Variants in PHKB observed in about 807,000 individuals in gnomAD.
PHKB encodes phosphorylase b kinase regulatory subunit beta.
Under a neutral mutation model 152.1 loss-of-function variants are expected in PHKB, and 122 were observed. That is an observed-to-expected ratio of 0.80 (90% CI 0.69 to 0.93). The LOEUF (loss-of-function observed/expected upper bound fraction) is 0.93, where lower values mean the gene tolerates loss of function less well. Among genes scored for constraint, PHKB ranks in the 40% least tolerant of loss-of-function variants. The probability of loss-of-function intolerance (pLI) is 0.00; values close to 1 mark genes in which losing one functional copy is unlikely to be tolerated. For missense variants in PHKB, 1,304 were observed against 1,328.4 expected (o/e 0.98, Z 0.29); for synonymous variants, 436 against 464.9 (o/e 0.94, Z 0.80).
intron 1 of PHKB, among the ~76,000 whole-genome samples, chr16:47,472,744 T>G (rs1202362452): frequency 6.6e-6 from 1 of 151,970 alleles, no homozygotes; most frequent in East Asian, 2.0e-4. Context: ...ATCGTGCCAC[T>G]GCACTCCAGC....
chr16:47,503,618 C>G (rs1567282322), intron 4 of PHKB, among the ~76,000 whole-genome samples: 1 of 152,070 alleles, frequency 6.6e-6, no homozygotes, highest in Non-Finnish European at 1.5e-5. Context: ...ATCACGAGGT[C>G]AAGAGATCGA....
Position 47,645,776 on chromosome 16 carries a change from G to A in PHKB, c.1609-2757G>A, listed in dbSNP as rs554591202. Among the ~76,000 whole-genome samples the A allele has an allele frequency of 2.6e-4, 39 of 147,748 alleles. No homozygotes were observed. The South Asian group carries it at 8.2e-3, about 31-fold the overall frequency. On this transcript the variant is annotated intron_variant, in intron 16 of 30. Coordinates refer to ENST00000323584, the MANE Select transcript of PHKB (RefSeq NM_000293.3). ...TTTATGCAGCCAAAAAACACATGAA[G>A]AAATGCTCATCATCACTGGCCATCA...
intron 14 of PHKB, among the ~76,000 whole-genome samples, chr16:47,620,152 A>G (rs1972591867): frequency 6.6e-6 from 1 of 152,186 alleles, no homozygotes; most frequent in Admixed American, 6.5e-5. Context: ...GTTTTTTCTC[A>G]AAATAGATGT....
At chr16:47,508,022 A>G (rs1008305717) in intron 4 of PHKB, among the ~76,000 whole-genome samples, 1 of 152,190 alleles carries the variant, frequency 6.6e-6, no homozygotes, top group Admixed American at 6.5e-5. Context: ...CTCTAGCCTC[A>G]TGTTGTCTTT....
At chr16:47,610,595 T>G (rs1972409181) in intron 13 of PHKB, among the ~76,000 whole-genome samples, 1 of 152,244 alleles carries the variant, frequency 6.6e-6, no homozygotes, top group Non-Finnish European at 1.5e-5. Flanking sequence ...TATTGATGCC[T>G]AATTCCATTC....
chr16:47,526,960 A>C (rs1483757707), intron 6 of PHKB, among the ~76,000 whole-genome samples: 1 of 152,190 alleles, frequency 6.6e-6, no homozygotes, highest in Non-Finnish European at 1.5e-5. Context: ...ACAAAACAGG[A>C]GAAGGCAAGT....
In PHKB at chr16:47,593,518, T is replaced by C. The variant is rs1457554672; in HGVS notation, c.1087T>C (p.Cys363Arg). 1 of 1,473,870 alleles carries C rather than the reference T, an allele frequency of 6.8e-7. No individual in the cohort carries two copies. Among genetic ancestry groups the C allele is most frequent in the Non-Finnish European group, 9.5e-7 (1 of 1,052,610 alleles). The allele number at this position is 1,473,870 out of a possible 1,614,324, so 91.3% of individuals were successfully genotyped here. A position where few individuals can be genotyped will look rare whatever the true frequency, so the allele number is the denominator to read the frequency against. ...AEIKLFDGIE[C>R]EFPIFFLYMM... Reference sequence around the variant, plus strand: ...GTTTTAGCTATTTGATGGCATTGAATGTGAATTTCCCATATTTTTCCTTTA... The same window carrying C: ...GTTTTAGCTATTTGATGGCATTGAACGTGAATTTCCCATATTTTTCCTTTA... Residue 363 changes from cysteine to arginine, a missense_variant, in exon 11 of 31, where the codon TGT becomes CGT. Cys to Arg is a radical substitution (Grantham distance 180). Coordinates refer to ENST00000323584, the MANE Select transcript of PHKB (RefSeq NM_000293.3).
chr16:47,679,007 G>A (rs1973793136), intron 26 of PHKB, among the ~76,000 whole-genome samples: 2 of 152,124 alleles, frequency 1.3e-5, no homozygotes, highest in African/African-American at 2.4e-5. Context: ...AGTTTTCCCA[G>A]CACCATTTAT....
At chr16:47,466,420 A>C (rs1342169027) in intron 1 of PHKB, among the ~76,000 whole-genome samples, 2 of 152,232 alleles carry the variant, frequency 1.3e-5, no homozygotes, top group Non-Finnish European at 2.9e-5. Flanking sequence ...TTGGCAATAC[A>C]GTTCAGTTAC....
At chr16:47,660,954 C>A in intron 22 of PHKB, 135 bp downstream of exon 22, 1 of 842,300 alleles carries the variant, frequency 1.2e-6, no homozygotes, top group Non-Finnish European at 2.0e-6. Context: ...TGTCTACTCC[C>A]AGGGCAATCA....
chr16:47,563,743 A>G (rs1567307690), intron 7 of PHKB, among the ~76,000 whole-genome samples: 1 of 152,152 alleles, frequency 6.6e-6, no homozygotes, highest in Admixed American at 6.5e-5. Flanking sequence ...CTGGGCGTTA[A>G]GGGTACCCAT....
intron 6 of PHKB, among the ~76,000 whole-genome samples, chr16:47,523,477 T>G (rs28844885): frequency 0.12 from 17,859 of 152,178 alleles, 2,300 homozygotes; most frequent in African/African-American, 0.32. Context: ...CTTTGCAGAG[T>G]TTCTCACTGT....
chr16:47,665,684 TATCAATAGTGTC>T, intron 25 of PHKB: 1 of 551,684 alleles, frequency 1.8e-6, no homozygotes, highest in Non-Finnish European at 3.3e-6. Flanking sequence ...TTGCTTTTTA[TATCAATAGTGTC>T]ATCAATAATA....
At chr16:47,608,075 C>T (rs1056303324) in intron 13 of PHKB, among the ~76,000 whole-genome samples, 4 of 150,938 alleles carry the variant, frequency 2.7e-5, no homozygotes, top group African/African-American at 9.7e-5. Flanking sequence ...TTTATATCTT[C>T]TAGGTGTAAA....
At chr16:47,529,150 A>G (rs1247180929) in intron 6 of PHKB, 3 of 152,066 alleles carry the variant, frequency 2.0e-5, no homozygotes, top group Non-Finnish European at 4.4e-5. Flanking sequence ...TCCTCTAGGT[A>G]TCATGTCTAC....
chr16:47,519,524 T>C (rs1396901092), intron 6 of PHKB, among the ~76,000 whole-genome samples: 1 of 152,196 alleles, frequency 6.6e-6, no homozygotes, highest in Non-Finnish European at 1.5e-5. Context: ...GCAGGAAGCC[T>C]CAGTTTCTCC....
intron 28 of PHKB, among the ~76,000 whole-genome samples, chr16:47,695,324 G>A (rs1296797827): frequency 6.6e-6 from 1 of 152,142 alleles, no homozygotes; most frequent in Non-Finnish European, 1.5e-5. Context: ...CTTTCCTTCT[G>A]TAACCCCGTT....
chr16:47,665,601 A>T, intron 25 of PHKB: 1 of 359,538 alleles, frequency 2.8e-6, no homozygotes, highest in Non-Finnish European at 5.3e-6. Flanking sequence ...GTTAATGCAA[A>T]ATCAGAATAC....
intron 14 of PHKB, among the ~76,000 whole-genome samples, chr16:47,631,951 G>T (rs1356000048): frequency 6.6e-6 from 1 of 152,112 alleles, no homozygotes; most frequent in African/African-American, 2.4e-5. Context: ...AGTCAGTGTG[G>T]CTATTCCTCA....
Sources: gnomAD v4.1 joint callset for allele counts (sites outside exome capture counted in the v4.1 genomes callset) on GRCh38, gnomAD v4.1.1 for gene constraint, MANE v1.5 for transcripts, NCBI Gene and HGNC (gene_info 2026-07-23, HGNC 2026-07-21) for gene names.